Variants in LMO7 observed in about 807,000 individuals in gnomAD.
LMO7 encodes LIM domain only protein 7.
A neutral mutation model predicts 206.5 loss-of-function variants in LMO7; 120 were observed. The ratio of observed to expected loss-of-function variants is 0.58; its 90% CI spans 0.50 to 0.68. The LOEUF (loss-of-function observed/expected upper bound fraction) is 0.68. Among genes scored for constraint, LMO7 ranks in the 30% least tolerant of loss-of-function variants. The pLI is 0.00. For synonymous variants in LMO7, 706 were observed against 681.5 expected (o/e 1.04, Z -0.56); for missense variants, 1,959 against 1,957.9 (o/e 1.00, Z -0.01).
At chr13:75,701,458 G>A (rs1393584721) in intron 1 of LMO7, among the ~76,000 whole-genome samples, 1 of 152,138 alleles carries the variant, frequency 6.6e-6, no homozygotes, top group Non-Finnish European at 1.5e-5. Flanking sequence ...TAATTCACAG[G>A]GAGGTAAGTA....
intron 1 of LMO7, among the ~76,000 whole-genome samples, chr13:75,645,535 TTAAA>T (rs1410867521): frequency 2.6e-5 from 4 of 152,040 alleles, no homozygotes; most frequent in East Asian, 3.8e-4. Flanking sequence ...ATAAATAAAA[TTAAA>T]TAAATAAAGG....
intron 4 of LMO7, among the ~76,000 whole-genome samples, chr13:75,771,714 T>C (rs1271532063): frequency 6.6e-6 from 1 of 152,028 alleles, no homozygotes; most frequent in Non-Finnish European, 1.5e-5. Flanking sequence ...GAATAAGTGG[T>C]CTTTAAAAAA....
chr13:75,760,808 T>A (rs763759564), intron 3 of LMO7, 124 bp from the exon 4 acceptor site: 9 of 1,549,008 alleles, frequency 5.8e-6, no homozygotes, highest in Admixed American at 2.0e-5. Flanking sequence ...TGCATGGGTC[T>A]TGCTGCTGCC....
At chr13:75,776,979 C>T (rs1167751165) in intron 4 of LMO7, among the ~76,000 whole-genome samples, 1 of 152,170 alleles carries the variant, frequency 6.6e-6, no homozygotes, top group Non-Finnish European at 1.5e-5. Flanking sequence ...TCATTCAGGG[C>T]AGTCCTTTTG....
chr13:75,768,155 T>G (rs1268991580), intron 4 of LMO7, among the ~76,000 whole-genome samples: 1 of 152,068 alleles, frequency 6.6e-6, no homozygotes, highest in Non-Finnish European at 1.5e-5. Flanking sequence ...TAATTTGGCT[T>G]CCCTTGTTTT....
chr13:75,822,237 A>G lies in LMO7; in HGVS notation c.2640+628A>G, dbSNP rs560102147. Among the ~76,000 whole-genome samples the G allele has an allele frequency of 4.6e-5, 7 of 152,288 alleles. No individual in the cohort carries two copies. In the East Asian group the frequency reaches 1.4e-3, roughly 29 times the overall value. ...CAACACAGTCCTAAGATTAATGTTCAAATTCTTTTTAGCTCTGCTAATGTA... is the reference window on the plus strand; with the variant it reads ...CAACACAGTCCTAAGATTAATGTTCGAATTCTTTTTAGCTCTGCTAATGTA... On this transcript the variant is annotated intron_variant, in intron 14 of 30. Transcript: ENST00000377534.
intron 1 of LMO7, among the ~76,000 whole-genome samples, chr13:75,653,060 A>G (rs1421844388): frequency 6.6e-6 from 1 of 152,028 alleles, no homozygotes; most frequent in Admixed American, 6.6e-5. Flanking sequence ...TTTTCCCTAC[A>G]CTCTTTCATT....
Position 75,856,831 on chromosome 13 carries a change from A to C in LMO7, c.4873+223A>C, listed in dbSNP as rs80187395. Reference sequence around the variant, plus strand: ...TGGGTTGTGGGGCCAAGGAATGGAGAGGAACAGTGTCCAAAAGTCAGGATG... The same window carrying C: ...TGGGTTGTGGGGCCAAGGAATGGAGCGGAACAGTGTCCAAAAGTCAGGATG... On this transcript the variant is annotated intron_variant, in intron 30 of 30. Coordinates refer to ENST00000377534, the MANE Select transcript of LMO7 (RefSeq NM_001306080.2). 1,802 of 430,412 alleles carry C rather than the reference A, an allele frequency of 4.2e-3. 25 individuals carry two copies. Among genetic ancestry groups the C allele is most frequent in the African/African-American group, 0.031 (1,562 of 49,602 alleles). 26.7% of individuals were successfully genotyped at this position (430,412 alleles called of 1,614,324 possible).
At chr13:75,682,181 A>G (rs2040593566) in intron 1 of LMO7, among the ~76,000 whole-genome samples, 1 of 152,180 alleles carries the variant, frequency 6.6e-6, no homozygotes, top group Admixed American at 6.5e-5. Flanking sequence ...GCCATTCTTA[A>G]AGGTAGTACT....
chr13:75,737,501 C>A (rs1272607254), intron 3 of LMO7, among the ~76,000 whole-genome samples: 1 of 149,418 alleles, frequency 6.7e-6, no homozygotes, highest in Admixed American at 6.6e-5. Context: ...CGCCTGTAAT[C>A]CCAGCACTCT....
In LMO7 at chr13:75,858,454, C is replaced by T. The variant is rs1452835666; in HGVS notation, c.*511C>T. 6.6e-6 allele frequency: 1 copy of T among 152,428 alleles called. No individual in the cohort carries two copies. The highest frequency in any genetic ancestry group is 1.5e-5 in the Non-Finnish European group (1 of 68,070). 9.4% of individuals were successfully genotyped at this position (152,428 alleles called of 1,614,324 possible). The stretch of plus-strand genomic sequence containing the variant: ...GTGCTTTCTGTATCCTTCCTTCTAC[C>T]TATTATTCTGATTTTTAAAAATGCA... On this transcript the variant is annotated 3_prime_UTR_variant, in exon 31 of 31. Coordinates refer to ENST00000377534, the MANE Select transcript of LMO7 (RefSeq NM_001306080.2).
intron 2 of LMO7, among the ~76,000 whole-genome samples, chr13:75,719,870 G>A (rs1169589996): frequency 6.6e-6 from 1 of 152,168 alleles, no homozygotes; most frequent in Non-Finnish European, 1.5e-5. Context: ...GAACATGATT[G>A]CTGGATCATA....
chr13:75,719,690 G>A (rs1015277649), intron 2 of LMO7, among the ~76,000 whole-genome samples: 1 of 152,144 alleles, frequency 6.6e-6, no homozygotes, highest in African/African-American at 2.4e-5. Flanking sequence ...AGGCCTCCCA[G>A]TCATGCCTCC....
intron 28 of LMO7, among the ~76,000 whole-genome samples, chr13:75,853,648 TG>T (rs2060672902): frequency 6.6e-6 from 1 of 152,222 alleles, no homozygotes; most frequent in Non-Finnish European, 1.5e-5. Flanking sequence ...CATTTGCCTG[TG>T]TTTGTGGTCA....
chr13:75,625,768 G>T (rs2033973986), intron 2 of LMO7, among the ~76,000 whole-genome samples: 1 of 152,214 alleles, frequency 6.6e-6, no homozygotes, highest in Non-Finnish European at 1.5e-5. Flanking sequence ...ATCTGGTGTT[G>T]TTCATGATCC....
chr13:75,711,986 C>T (rs1378191319), intron 1 of LMO7, among the ~76,000 whole-genome samples: 2 of 152,328 alleles, frequency 1.3e-5, no homozygotes, highest in East Asian at 3.9e-4. Context: ...GGCCCAGGCT[C>T]CTGTCCAAAT....
chr13:75,752,470 A>T (rs999365292), intron 3 of LMO7, among the ~76,000 whole-genome samples: 2 of 152,144 alleles, frequency 1.3e-5, no homozygotes, highest in African/African-American at 4.8e-5. Context: ...ATGGGGCACA[A>T]GTACAATTTT....
At chr13:75,693,484 A>G (rs1731321917) in intron 1 of LMO7, among the ~76,000 whole-genome samples, 1 of 152,076 alleles carries the variant, frequency 6.6e-6, no homozygotes, top group African/African-American at 2.4e-5. Context: ...TAATTATTTC[A>G]TGTGGCACTG....
intron 20 of LMO7, chr13:75,839,702 G>T (rs11617789): frequency 1.9e-5 from 3 of 157,860 alleles, no homozygotes; most frequent in African/African-American, 4.8e-5. Flanking sequence ...ATTGGGATTT[G>T]GTAGATGTTG....
Sources: allele counts gnomAD v4.1 joint callset (sites outside exome capture counted in the v4.1 genomes callset), GRCh38; gene constraint gnomAD v4.1.1; transcripts MANE v1.5; gene names NCBI Gene and HGNC (gene_info 2026-07-23, HGNC 2026-07-21).